Variants in PLXDC2 observed in about 807,000 individuals in gnomAD.
PLXDC2 encodes plexin domain-containing protein 2.
A neutral mutation model predicts 68.9 loss-of-function variants in PLXDC2; 40 were observed. The ratio of observed to expected loss-of-function variants is 0.58; its 90% CI spans 0.45 to 0.76. PLXDC2 has a LOEUF of 0.76. Ranked by LOEUF, PLXDC2 falls within the 30% of genes least tolerant of loss-of-function variation. The pLI, the probability that PLXDC2 is intolerant of heterozygous loss-of-function variation, is 0.00. For synonymous variants in PLXDC2, 243 were observed against 234.2 expected (o/e 1.04, Z -0.34); for missense variants, 644 against 661.9 (o/e 0.97, Z 0.30).
chr10:20,162,067 AG>A (rs773347814), intron 6 of PLXDC2, among the ~76,000 whole-genome samples: 3,963 of 44,088 alleles, frequency 0.09, 71 homozygotes, highest in Non-Finnish European at 0.12. Context: ...AGAGAGAGAG[AG>A]AGAGAAGGAA....
chr10:20,134,811 T>C (rs1407066693), intron 4 of PLXDC2, among the ~76,000 whole-genome samples: 3 of 151,774 alleles, frequency 2.0e-5, no homozygotes, highest in African/African-American at 7.3e-5. Context: ...GGGCCTGGAG[T>C]CTGGAGTCAC....
At chr10:20,022,916 A>G (rs1403211321) in intron 2 of PLXDC2, among the ~76,000 whole-genome samples, 5 of 151,938 alleles carry the variant, frequency 3.3e-5, no homozygotes, top group African/African-American at 1.2e-4. Context: ...TTAGCTCTGC[A>G]ATTTAATGAC....
chr10:20,034,296 A>G (rs150705236), intron 2 of PLXDC2, among the ~76,000 whole-genome samples: 2 of 152,316 alleles, frequency 1.3e-5, no homozygotes, highest in Non-Finnish European at 2.9e-5. Context: ...TACTAGGTTT[A>G]CTATTAAAAG....
chr10:19,898,586 A>T (rs375784679), intron 1 of PLXDC2, among the ~76,000 whole-genome samples: 2 of 152,164 alleles, frequency 1.3e-5, no homozygotes, highest in African/African-American at 2.4e-5. Flanking sequence ...TTTAACCACA[A>T]TGAAAAAACT....
At chr10:20,135,003 T>C (rs1386905696) in intron 4 of PLXDC2, among the ~76,000 whole-genome samples, 1 of 152,224 alleles carries the variant, frequency 6.6e-6, no homozygotes, top group Non-Finnish European at 1.5e-5. Context: ...TGAAATTTTC[T>C]TACCTATCTT....
chr10:20,196,597 A>C (rs1208154271), intron 9 of PLXDC2, among the ~76,000 whole-genome samples: 1 of 152,194 alleles, frequency 6.6e-6, no homozygotes, highest in Non-Finnish European at 1.5e-5. Context: ...ACCACCCAGT[A>C]ATCTCCAGTA....
At chr10:20,227,866 C>T (rs1460802843) in intron 12 of PLXDC2, among the ~76,000 whole-genome samples, 1 of 151,406 alleles carries the variant, frequency 6.6e-6, no homozygotes, top group African/African-American at 2.4e-5. Context: ...TGGTCAGAGG[C>T]TAAAAAAAAG....
chr10:20,042,135 T>C (rs564557973), intron 2 of PLXDC2, among the ~76,000 whole-genome samples: 1 of 152,282 alleles, frequency 6.6e-6, no homozygotes, highest in African/African-American at 2.4e-5. Flanking sequence ...TGACTGGTAA[T>C]TTAGTCATGC....
intron 12 of PLXDC2, among the ~76,000 whole-genome samples, chr10:20,238,532 A>G (rs11818339): frequency 0.016 from 2,355 of 150,686 alleles, 60 homozygotes; most frequent in African/African-American, 0.051. Flanking sequence ...CTGTAGTCCC[A>G]GCTACTCAGG....
At chr10:19,903,628 C>T (rs1473308186) in intron 1 of PLXDC2, among the ~76,000 whole-genome samples, 1 of 149,370 alleles carries the variant, frequency 6.7e-6, no homozygotes. Flanking sequence ...GAACCAGTTT[C>T]TTTTGTTTCA....
chr10:20,013,807 C>T (rs1589585929), intron 2 of PLXDC2, among the ~76,000 whole-genome samples: 1 of 152,240 alleles, frequency 6.6e-6, no homozygotes, highest in East Asian at 1.9e-4. Flanking sequence ...TAAAAAATGA[C>T]TTATCTTCCT....
chr10:19,859,139 A>T (rs1261422293), intron 1 of PLXDC2, among the ~76,000 whole-genome samples: 2 of 152,076 alleles, frequency 1.3e-5, no homozygotes, highest in African/African-American at 4.8e-5. Flanking sequence ...TGAGAATGGC[A>T]CTAAGGCATC....
chr10:20,145,085 A>C (rs1182166841), intron 5 of PLXDC2, among the ~76,000 whole-genome samples: 4 of 152,204 alleles, frequency 2.6e-5, no homozygotes, highest in Non-Finnish European at 5.9e-5. Context: ...TTTAGGACGT[A>C]GGTCCTAAAT....
At chr10:20,005,024 A>AT (rs757194470) in intron 2 of PLXDC2, among the ~76,000 whole-genome samples, 1 of 152,024 alleles carries the variant, frequency 6.6e-6, no homozygotes, top group Non-Finnish European at 1.5e-5. Flanking sequence ...AATTTCAATG[A>AT]TTTTTTTACA....
chr10:20,104,332 T>C (rs1428800461), intron 4 of PLXDC2, among the ~76,000 whole-genome samples: 1 of 152,186 alleles, frequency 6.6e-6, no homozygotes, highest in Non-Finnish European at 1.5e-5. Context: ...ACTGAAGTTT[T>C]CTCACTTCAA....
At chr10:20,187,517 A>G (rs565067660) in intron 9 of PLXDC2, among the ~76,000 whole-genome samples, 2 of 151,910 alleles carry the variant, frequency 1.3e-5, no homozygotes, top group South Asian at 4.1e-4. Flanking sequence ...TCTATTGTAT[A>G]TTTGAAAATA....
At chr10:20,013,332 CAT>C (rs1432660160) in intron 2 of PLXDC2, among the ~76,000 whole-genome samples, 1 of 152,154 alleles carries the variant, frequency 6.6e-6, no homozygotes, top group African/African-American at 2.4e-5. Context: ...TTAAAATTCA[CAT>C]GTTATATCAC....
chr10:19,885,604 A>C (rs191319723), intron 1 of PLXDC2, among the ~76,000 whole-genome samples: 4,605 of 148,018 alleles, frequency 0.031, 113 homozygotes, highest in Middle Eastern at 0.089. Flanking sequence ...CGTTTATTAA[A>C]TAGGGAATCC....
intron 12 of PLXDC2, among the ~76,000 whole-genome samples, chr10:20,221,204 A>G (rs368036025): frequency 1.2e-4 from 18 of 152,308 alleles, no homozygotes; most frequent in African/African-American, 3.8e-4. Context: ...ACTTTGATAA[A>G]GAGTTTTCTA....
Sources: gnomAD v4.1 joint callset for allele counts (sites outside exome capture counted in the v4.1 genomes callset) on GRCh38, gnomAD v4.1.1 for gene constraint, MANE v1.5 for transcripts, NCBI Gene and HGNC (gene_info 2026-07-23, HGNC 2026-07-21) for gene names.